CRADD: variants seen among roughly 807,000 people sequenced by gnomAD.
CRADD encodes death domain-containing protein CRADD.
Under a neutral mutation model 15.5 loss-of-function variants are expected in CRADD, and 9 were observed. The observed-to-expected ratio is 0.58, with a 90% CI of 0.35 to 1.01. The LOEUF (loss-of-function observed/expected upper bound fraction) is 1.01. CRADD is among the 50% of genes least tolerant of loss of function. The pLI is 0.02. For missense variants in CRADD, 227 were observed against 250.3 expected (o/e 0.91, Z 0.63); for synonymous variants, 118 against 107.6 (o/e 1.10, Z -0.60).
At chr12:93,852,282 G>A (rs533880446), downstream of CRADD, among the ~76,000 whole-genome samples, 121 of 152,320 alleles carry the variant, frequency 7.9e-4, no homozygotes, top group African/African-American at 1.7e-3. Flanking sequence ...GCTCTGCTGC[G>A]TCTGACTAGA....
chr12:93,745,351 A>G (rs1168010002), intron 2 of CRADD, among the ~76,000 whole-genome samples: 1 of 152,256 alleles, frequency 6.6e-6, no homozygotes, highest in Non-Finnish European at 1.5e-5. Flanking sequence ...TGATCAACAG[A>G]TGCAAGGAAC....
chr12:93,792,053 T>C (rs1010992538), intron 2 of CRADD, among the ~76,000 whole-genome samples: 1 of 152,178 alleles, frequency 6.6e-6, no homozygotes, highest in African/African-American at 2.4e-5. Flanking sequence ...GGAATACTTC[T>C]GAGAATCTTA....
chr12:93,740,317 A>G (rs1490857504), intron 2 of CRADD, among the ~76,000 whole-genome samples: 1 of 152,146 alleles, frequency 6.6e-6, no homozygotes, highest in African/African-American at 2.4e-5. Flanking sequence ...TCAACATCTA[A>G]ATATTTCTCT....
intron 2 of CRADD, among the ~76,000 whole-genome samples, chr12:93,771,181 T>C (rs1049675302): frequency 1.8e-4 from 27 of 152,228 alleles, no homozygotes; most frequent in African/African-American, 6.3e-4. Context: ...CAAGTATACA[T>C]ATTTTAGTGC....
At chr12:93,719,609 A>C (rs150679786) in intron 2 of CRADD, among the ~76,000 whole-genome samples, 2 of 152,300 alleles carry the variant, frequency 1.3e-5, no homozygotes, top group East Asian at 1.9e-4. Context: ...TTAAATATTG[A>C]TTCAAATGTT....
intron 2 of CRADD, among the ~76,000 whole-genome samples, chr12:93,817,903 A>C (rs1957725060): frequency 6.6e-6 from 1 of 152,132 alleles, no homozygotes; most frequent in Admixed American, 6.5e-5. Flanking sequence ...TTAACCTGTC[A>C]TAAGAAGAAA....
At chr12:93,830,625 T>C (rs1330504995) in intron 2 of CRADD, among the ~76,000 whole-genome samples, 1 of 152,244 alleles carries the variant, frequency 6.6e-6, no homozygotes, top group Non-Finnish European at 1.5e-5. Context: ...TTTATAAATA[T>C]GCCCCTTCAC....
chr12:93,862,684 G>T (rs1417345240), intron 2 of CRADD, among the ~76,000 whole-genome samples: 1 of 152,176 alleles, frequency 6.6e-6, no homozygotes, highest in African/African-American at 2.4e-5. Context: ...GAAAACAAAA[G>T]AAATCTCAAC....
intron 2 of CRADD, among the ~76,000 whole-genome samples, chr12:93,785,811 G>C (rs1957272263): frequency 6.6e-6 from 1 of 152,162 alleles, no homozygotes; most frequent in Non-Finnish European, 1.5e-5. Flanking sequence ...GGACGTATGG[G>C]ATCGAGGCCT....
intron 2 of CRADD, among the ~76,000 whole-genome samples, chr12:93,743,979 A>T (rs535543627): frequency 2.8e-4 from 43 of 152,360 alleles, no homozygotes; most frequent in Non-Finnish European, 5.0e-4. Context: ...AAATAAAGAT[A>T]AATGAGTTTA....
intron 2 of CRADD, among the ~76,000 whole-genome samples, chr12:93,822,437 C>G (rs1444576547): frequency 1.3e-5 from 2 of 152,202 alleles, no homozygotes; most frequent in African/African-American, 2.4e-5. Flanking sequence ...ACTGCATCCT[C>G]TTTGTACCAC....
chr12:93,736,930 A>C (rs1004000312), intron 2 of CRADD, among the ~76,000 whole-genome samples: 1 of 152,282 alleles, frequency 6.6e-6, no homozygotes, highest in Non-Finnish European at 1.5e-5. Flanking sequence ...AGATACAAAT[A>C]CAATTATTTC....
At chr12:93,821,483 C>T (rs539728967) in intron 2 of CRADD, among the ~76,000 whole-genome samples, 1 of 152,338 alleles carries the variant, frequency 6.6e-6, no homozygotes, top group Non-Finnish European at 1.5e-5. Flanking sequence ...ATAGCTACCT[C>T]TCAGTGGAAA....
chr12:93,779,591 C>T (rs1592982932), intron 2 of CRADD, among the ~76,000 whole-genome samples: 2 of 137,468 alleles, frequency 1.5e-5, no homozygotes, highest in East Asian at 2.1e-4. Flanking sequence ...AAGAAAGAAC[C>T]TTTTTTTTTT....
intron 2 of CRADD, among the ~76,000 whole-genome samples, chr12:93,838,690 A>C (rs1331825988): frequency 1.3e-5 from 2 of 151,782 alleles, no homozygotes; most frequent in African/African-American, 2.4e-5. Flanking sequence ...AGATAAGGAT[A>C]ACTATTCTGA....
intron 2 of CRADD, among the ~76,000 whole-genome samples, chr12:93,880,871 C>T (rs1266868479): frequency 2.0e-5 from 3 of 152,204 alleles, no homozygotes; most frequent in African/African-American, 7.2e-5. Flanking sequence ...CTTCCTCACT[C>T]TGGTTTCAGT....
chr12:93,825,698 A>T (rs186420317), intron 2 of CRADD, among the ~76,000 whole-genome samples: 41 of 152,338 alleles, frequency 2.7e-4, no homozygotes, highest in African/African-American at 9.9e-4. Flanking sequence ...GAAGCACAGC[A>T]GTATTAGGCT....
At chr12:93,682,656 T>C (rs1421849504) in intron 2 of CRADD, among the ~76,000 whole-genome samples, 3 of 152,190 alleles carry the variant, frequency 2.0e-5, no homozygotes, top group Non-Finnish European at 4.4e-5. Context: ...TTTACTTATG[T>C]GCTGGATGTA....
intron 2 of CRADD, among the ~76,000 whole-genome samples, chr12:93,882,123 C>A (rs1565947802): frequency 6.7e-6 from 1 of 148,410 alleles, no homozygotes; most frequent in East Asian, 2.0e-4. Context: ...GACTCTGTTT[C>A]AAAAAAAATT....
Sources: gnomAD v4.1 joint callset for allele counts (sites outside exome capture counted in the v4.1 genomes callset) on GRCh38, gnomAD v4.1.1 for gene constraint, MANE v1.5 for transcripts, NCBI Gene and HGNC (gene_info 2026-07-23, HGNC 2026-07-21) for gene names.